Variants in PIK3C3 observed in about 807,000 individuals in gnomAD.
PIK3C3 encodes phosphatidylinositol 3-kinase catalytic subunit type 3, also known as PI3-kinase type 3.
In PIK3C3, 95 loss-of-function variants were observed where a neutral mutation model predicts 126.1. The observed-to-expected ratio is 0.75, with a 90% CI of 0.64 to 0.89. PIK3C3 has a LOEUF of 0.89. Ranked by LOEUF, PIK3C3 falls within the 40% of genes least tolerant of loss-of-function variation. PIK3C3 has a pLI of 0.00. For missense variants in PIK3C3, 829 were observed against 1,063.2 expected, an observed-to-expected ratio of 0.78 and a Z score of 3.06; for synonymous variants, 374 against 360.0, an observed-to-expected ratio of 1.04 and a Z score of -0.44.
chr18:42,067,357 CG>C (rs1274440515), intron 23 of PIK3C3, 30 bp from the exon 24 acceptor site: 1 of 1,605,628 alleles, frequency 6.2e-7, no homozygotes, highest in African/African-American at 1.3e-5. Flanking sequence ...TATTTTTCTT[CG>C]TTGTAAAGAC....
At chr18:41,983,751 C>G (rs1981325077) in intron 4 of PIK3C3, among the ~76,000 whole-genome samples, 1 of 152,122 alleles carries the variant, frequency 6.6e-6, no homozygotes, top group African/African-American at 2.4e-5. Flanking sequence ...GTCCTTGATA[C>G]TTTTATTAAA....
At position 42,081,864 on chromosome 18, in the gene PIK3C3, T is replaced by TTG. The variant is rs1986262939; in HGVS notation, c.*728_*729dup. 1 of 152,196 alleles carries TTG rather than the reference T, an allele frequency of 6.6e-6. No individual in the cohort carries two copies. Among genetic ancestry groups the TTG allele is most frequent in the South Asian group, 2.1e-4 (1 of 4,834 alleles). 9.4% of individuals were successfully genotyped at this position (152,196 alleles called of 1,614,324 possible). On this transcript the variant is annotated 3_prime_UTR_variant, in exon 25 of 25. Coordinates refer to ENST00000262039, the MANE Select transcript of PIK3C3 (RefSeq NM_002647.4). The stretch of plus-strand genomic sequence containing the variant: ...GGTCATATGACCACCAGTTTTAGTA[T>TTG]TGAGCATAAGATATTTTTACATATT...
At chr18:41,973,608 G>A (rs1404178298) in intron 4 of PIK3C3, among the ~76,000 whole-genome samples, 1 of 152,002 alleles carries the variant, frequency 6.6e-6, no homozygotes, top group East Asian at 1.9e-4. Context: ...TGTTCTTACA[G>A]TTGTGCCACA....
At chr18:41,962,708 C>A in intron 3 of PIK3C3, 76 bp downstream of exon 3, 1 of 1,415,026 alleles carries the variant, frequency 7.1e-7, no homozygotes, top group Non-Finnish European at 9.7e-7. Context: ...TGAGGGAAGG[C>A]TTTAATAGTT....
chr18:41,972,092 TA>T (rs2144315475), intron 4 of PIK3C3, among the ~76,000 whole-genome samples: 1 of 152,252 alleles, frequency 6.6e-6, no homozygotes, highest in South Asian at 2.1e-4. Flanking sequence ...GCTGGTTTTT[TA>T]ATGTAGCACA....
At chr18:42,076,149 T>TATATATATATACAC (rs1986004623) in intron 24 of PIK3C3, among the ~76,000 whole-genome samples, 2 of 88,624 alleles carry the variant, frequency 2.3e-5, no homozygotes, top group Admixed American at 1.2e-4. Flanking sequence ...TATATGCGCA[T>TATATATATATACAC]ATATATATAT....
intron 24 of PIK3C3, among the ~76,000 whole-genome samples, chr18:42,075,018 A>G (rs905814886): frequency 1.2e-4 from 19 of 152,296 alleles, no homozygotes; most frequent in African/African-American, 4.1e-4. Flanking sequence ...TATGTAATTC[A>G]TATAGTCTCC....
At chr18:42,057,067 C>CT (rs35233659) in intron 21 of PIK3C3, among the ~76,000 whole-genome samples, 1 of 135,546 alleles carries the variant, frequency 7.4e-6, no homozygotes, top group African/African-American at 2.7e-5. Context: ...AACCCCCCCC[C>CT]CCGTGTTGAC....
intron 7 of PIK3C3, among the ~76,000 whole-genome samples, chr18:41,994,058 AG>A (rs1216780418): frequency 6.6e-6 from 1 of 152,180 alleles, no homozygotes; most frequent in Non-Finnish European, 1.5e-5. Context: ...TAATTAGATT[AG>A]TTACCTTCCT....
rs1413927037 is a variant in PIK3C3, at chr18:42,013,514, T to C, written c.1243T>C (p.Leu415=). The change falls in exon 11 of 25, where the codon TTG becomes CTG. Residue 415 remains leucine (L), a synonymous_variant. Transcript: ENST00000262039. ...YENFDDIKNG[L]EPTKKDSQSS... ...AAATTTTGATGATATAAAGAATGGATTGGAACCTACCAAGAAGGATAGTCA... is the reference window on the plus strand; with the variant it reads ...AAATTTTGATGATATAAAGAATGGACTGGAACCTACCAAGAAGGATAGTCA... The C allele has an allele frequency of 9.4e-6, 15 of 1,596,508 alleles. No individual in the cohort carries two copies. Among genetic ancestry groups the C allele is most frequent in the Admixed American group, 1.7e-5 (1 of 58,664 alleles).
chr18:42,037,299 TTG>T (rs1434090291), intron 16 of PIK3C3, among the ~76,000 whole-genome samples: 2 of 152,220 alleles, frequency 1.3e-5, no homozygotes, highest in African/African-American at 4.8e-5. Flanking sequence ...AATGTCTTCT[TTG>T]TATTAGGCAT....
Position 42,064,707 on chromosome 18 carries a change from G to A in PIK3C3, c.2433-33G>A, listed in dbSNP as rs202168911. 1.3e-4 allele frequency: 125 copies of A among 985,776 alleles called. 1 individual carries two copies. The East Asian group carries it at 2.7e-3, about 22-fold the overall frequency. 61.1% of individuals were successfully genotyped at this position (985,776 alleles called of 1,614,324 possible). ...AGAAAGAAATGCAGAATTCTTAATC[G>A]TTGCTATTTTTTTCTTTTCTGCTCT... On this transcript the variant is annotated intron_variant, in intron 22 of 24. Coordinates refer to ENST00000262039, the MANE Select transcript of PIK3C3 (RefSeq NM_002647.4).
chr18:42,075,467 A>T (rs1360248964), intron 24 of PIK3C3, among the ~76,000 whole-genome samples: 2 of 152,062 alleles, frequency 1.3e-5, no homozygotes, highest in African/African-American at 4.8e-5. Context: ...AACAACAGGA[A>T]AAATCATTAA....
At chr18:41,981,249 C>T (rs982871854) in intron 4 of PIK3C3, among the ~76,000 whole-genome samples, 2 of 152,072 alleles carry the variant, frequency 1.3e-5, no homozygotes, top group Non-Finnish European at 2.9e-5. Flanking sequence ...TGTCTGGAAA[C>T]CAATGATAGC....
chr18:42,014,933 G>T (rs1420570628), intron 11 of PIK3C3, among the ~76,000 whole-genome samples: 4 of 152,114 alleles, frequency 2.6e-5, no homozygotes, highest in Admixed American at 2.6e-4. Context: ...GAGGTCTTCA[G>T]TCTCAAGTCA....
At chr18:41,989,198 T>G (rs905658033) in intron 5 of PIK3C3, among the ~76,000 whole-genome samples, 4 of 152,042 alleles carry the variant, frequency 2.6e-5, no homozygotes, top group African/African-American at 7.2e-5. Context: ...TCCTCCTGAT[T>G]AGCTTCCCAA....
chr18:42,030,216 T>G (rs1598912181), intron 15 of PIK3C3, among the ~76,000 whole-genome samples: 1 of 152,286 alleles, frequency 6.6e-6, no homozygotes, highest in South Asian at 2.1e-4. Context: ...TTGCCCAAGG[T>G]TTCACAACTG....
chr18:41,970,335 G>A lies in PIK3C3; in HGVS notation c.410G>A (p.Arg137His), dbSNP rs374012011. 131 of 1,612,872 alleles carry A rather than the reference G, an allele frequency of 8.1e-5. No homozygotes were observed. The highest frequency in any genetic ancestry group is 1.0e-4 in the Non-Finnish European group (121 of 1,179,250). The change falls in exon 4 of 25, where the codon CGC (arginine) becomes CAC (histidine). Residue 137 changes from arginine (R) to histidine (H), a missense_variant. By Grantham distance (29) the Arg-to-His change is conservative. Transcript: ENST00000262039. ...ATTCTCTTTTTCCCTAGCATGTTTC[G>A]CCAAGGGATGCATGACTTGAAAGTC... is the stretch of plus-strand genomic sequence containing the variant. ...VSLFGKYGMFRQGMHDLKVWP... is the reference protein window; with the variant it reads ...VSLFGKYGMFHQGMHDLKVWP...
chr18:41,970,190 T>G, intron 3 of PIK3C3, 137 bp from the exon 4 acceptor site: 1 of 692,476 alleles, frequency 1.4e-6, no homozygotes, highest in African/African-American at 1.8e-5. Flanking sequence ...TGCTTTACAT[T>G]CCATTGGGGG....
Sources: gnomAD v4.1 joint callset for allele counts (sites outside exome capture counted in the v4.1 genomes callset) on GRCh38, gnomAD v4.1.1 for gene constraint, MANE v1.5 for transcripts, NCBI Gene and HGNC (gene_info 2026-07-23, HGNC 2026-07-21) for gene names.